Variants in ACAD11 observed in about 807,000 individuals in gnomAD.
ACAD11 encodes acyl-Coenzyme A dehydrogenase family, member 11.
Under a neutral mutation model 102.2 loss-of-function variants are expected in ACAD11, and 83 were observed. The observed-to-expected ratio is 0.81, with a 90% CI of 0.68 to 0.97. The LOEUF is 0.97. Among genes scored for constraint, ACAD11 ranks in the 50% least tolerant of loss-of-function variants. The pLI is 0.00. For missense variants in ACAD11, 901 were observed against 951.7 expected (o/e 0.95, Z 0.70); for synonymous variants, 324 against 319.8 (o/e 1.01, Z -0.14).
Position 132,559,893 on chromosome 3 carries a change from T to A in ACAD11, c.2168A>T (p.Asp723Val), listed in dbSNP as rs1369071673. ...AAPRAVSKIVDWAIQVCGGAG... is the reference protein window; with the variant it reads ...AAPRAVSKIVVWAIQVCGGAG... Reference sequence around the variant, plus strand: ...ACCTCCGCACACCTGGATGGCCCAGTCAACGATTTTGCTGACAGCCCGTGG... The same window carrying A: ...ACCTCCGCACACCTGGATGGCCCAGACAACGATTTTGCTGACAGCCCGTGG... Residue 723 changes from aspartate to valine, a missense_variant, in exon 19 of 20, where the codon GAC (aspartate) becomes GTC (valine). Asp to Val is a radical substitution (Grantham distance 152). Coordinates refer to ENST00000264990, the MANE Select transcript of ACAD11 (RefSeq NM_032169.5). The A allele has an allele frequency of 1.2e-6, 2 of 1,613,706 alleles. No individual in the cohort carries two copies. The highest frequency in any genetic ancestry group is 1.7e-6 in the Non-Finnish European group (2 of 1,179,798).
At chr3:132,615,979 A>G (rs73000193) in intron 11 of ACAD11, among the ~76,000 whole-genome samples, 1,891 of 152,292 alleles carry the variant, frequency 0.012, 40 homozygotes, top group African/African-American at 0.043. Context: ...ACTATTTGGG[A>G]AATGATCTGG....
intron 13 of ACAD11, among the ~76,000 whole-genome samples, chr3:132,579,845 C>T (rs181263750): frequency 5.8e-4 from 88 of 152,206 alleles, no homozygotes; most frequent in African/African-American, 1.0e-3. Flanking sequence ...CCATTTCAGA[C>T]ATCAGCATGC....
At chr3:132,641,859 AAAGTCATGGCC>A in intron 4 of ACAD11, 102 bp downstream of exon 4, 1 of 992,828 alleles carries the variant, frequency 1.0e-6, no homozygotes, top group Non-Finnish European at 1.4e-6. Context: ...GACAATGTTA[AAAGTCATGGCC>A]AAGCTTCAGA....
chr3:132,583,648 T>C lies in ACAD11; in HGVS notation c.1622-4090A>G, dbSNP rs138965076. On this transcript the variant is annotated intron_variant, in intron 13 of 19. Transcript: ENST00000264990. ...TTCTTTTAATTGTGATGTTAGGGTATCAATTTTAGGTCTTTCCTGCTTTCT... is the reference window on the plus strand; with the variant it reads ...TTCTTTTAATTGTGATGTTAGGGTACCAATTTTAGGTCTTTCCTGCTTTCT... Among the ~76,000 whole-genome samples, 878 of 152,326 alleles carry C rather than the reference T, an allele frequency of 5.8e-3. 3 individuals carry two copies. The highest frequency in any genetic ancestry group is 0.01 in the Middle Eastern group (3 of 294).
intron 13 of ACAD11, among the ~76,000 whole-genome samples, chr3:132,586,989 C>T (rs1243342810): frequency 1.3e-5 from 2 of 151,946 alleles, no homozygotes; most frequent in Admixed American, 1.3e-4. Flanking sequence ...AGCTACTTGG[C>T]AGGCTGAGGC....
chr3:132,612,961 G>T (rs923550681), intron 11 of ACAD11, among the ~76,000 whole-genome samples: 26 of 152,048 alleles, frequency 1.7e-4, no homozygotes, highest in Non-Finnish European at 3.8e-4. Flanking sequence ...CAACAGCAAA[G>T]ACTTGGAACC....
intron 11 of ACAD11, among the ~76,000 whole-genome samples, chr3:132,608,680 C>G (rs1447178051): frequency 6.6e-6 from 1 of 152,130 alleles, no homozygotes; most frequent in Non-Finnish European, 1.5e-5. Flanking sequence ...TAGACTCCCA[C>G]ACAATAATAG....
At chr3:132,636,413 A>T (rs1004312342) in intron 5 of ACAD11, among the ~76,000 whole-genome samples, 2 of 152,168 alleles carry the variant, frequency 1.3e-5, no homozygotes, top group African/African-American at 4.8e-5. Context: ...ACACCATTGA[A>T]TTTTATTAAT....
At chr3:132,618,369 A>T (rs1324743816) in intron 11 of ACAD11, 1 of 381,874 alleles carries the variant, frequency 2.6e-6, no homozygotes, top group African/African-American at 2.1e-5. Flanking sequence ...TGGATCCATG[A>T]TCCATGATCC....
intron 9 of ACAD11, chr3:132,620,554 T>C (rs1456746085): frequency 6.6e-6 from 1 of 152,168 alleles, no homozygotes; most frequent in Non-Finnish European, 1.5e-5. Flanking sequence ...CAAGATGGAA[T>C]TGCACTTCCC....
chr3:132,616,702 G>T (rs1037950531), intron 11 of ACAD11, among the ~76,000 whole-genome samples: 2 of 152,072 alleles, frequency 1.3e-5, no homozygotes, highest in African/African-American at 4.8e-5. Context: ...TAAACAAAAA[G>T]ACTACCCATT....
chr3:132,638,163 G>A (rs1384291959), intron 5 of ACAD11, among the ~76,000 whole-genome samples: 1 of 152,130 alleles, frequency 6.6e-6, no homozygotes, highest in East Asian at 1.9e-4. Flanking sequence ...CCAGGTACCA[G>A]CTAGTTGCTC....
chr3:132,644,891 C>T lies in ACAD11; in HGVS notation c.155G>A (p.Gly52Glu), dbSNP rs1318333229. Residue 52 changes from glycine to glutamate, a missense_variant, in exon 2 of 20, where the codon GGA (glycine) becomes GAA (glutamate). By Grantham distance (98) the Gly-to-Glu change is moderately conservative. Transcript: ENST00000264990. ...GAGATAAAAGGTTGGATTGGACTTT[C>T]CTGCTCTAGATAAAAGTAAAAAAAA... ...ATLTIAQYRAGKSNPTFYLQK... is the reference protein window; with the variant it reads ...ATLTIAQYRAEKSNPTFYLQK... 6 of 1,597,346 alleles carry T rather than the reference C, an allele frequency of 3.8e-6. No homozygotes were observed. In the African/African-American group the frequency reaches 4.1e-5, roughly 11 times the overall value.
intron 11 of ACAD11, among the ~76,000 whole-genome samples, chr3:132,607,000 T>A (rs1938872220): frequency 6.6e-6 from 1 of 151,714 alleles, no homozygotes; most frequent in Admixed American, 6.6e-5. Flanking sequence ...GGGTTGGGAG[T>A]GGACCTCCAG....
intron 11 of ACAD11, among the ~76,000 whole-genome samples, chr3:132,615,848 G>T (rs1939385924): frequency 6.6e-6 from 1 of 152,084 alleles, no homozygotes; most frequent in Non-Finnish European, 1.5e-5. Flanking sequence ...AAATTTTCCA[G>T]TAATAGCTTT....
chr3:132,642,212 G>C, intron 3 of ACAD11, 79 bp from the exon 4 acceptor site: 7 of 1,325,548 alleles, frequency 5.3e-6, no homozygotes, highest in Non-Finnish European at 7.2e-6. Flanking sequence ...ACATTCATTT[G>C]TGAAACATAT....
intron 12 of ACAD11, among the ~76,000 whole-genome samples, chr3:132,603,610 C>G (rs1374589444): frequency 6.6e-6 from 1 of 152,198 alleles, no homozygotes; most frequent in African/African-American, 2.4e-5. Context: ...CCAGTCCTTT[C>G]TCCAATCAGC....
intron 17 of ACAD11, among the ~76,000 whole-genome samples, chr3:132,569,024 C>T (rs183573891): frequency 2.0e-5 from 3 of 151,592 alleles, no homozygotes; most frequent in African/African-American, 7.3e-5. Context: ...AAATTAAACA[C>T]TTTTGTTCTG....
At chr3:132,647,871 G>A (rs1346026411) in intron 1 of ACAD11, among the ~76,000 whole-genome samples, 1 of 152,148 alleles carries the variant, frequency 6.6e-6, no homozygotes, top group Non-Finnish European at 1.5e-5. Context: ...TCAGTGTCTG[G>A]TGAGGACCCA....
Sources: gnomAD v4.1 joint callset for allele counts (sites outside exome capture counted in the v4.1 genomes callset) on GRCh38, gnomAD v4.1.1 for gene constraint, MANE v1.5 for transcripts, NCBI Gene and HGNC (gene_info 2026-07-23, HGNC 2026-07-21) for gene names.